C1orf21: variants seen among roughly 807,000 people sequenced by gnomAD.
C1orf21 encodes the protein chromosome 1 open reading frame 21, also known as uncharacterized protein C1orf21.
In C1orf21, 3 loss-of-function variants were observed where a neutral mutation model predicts 18.7. The observed-to-expected ratio is 0.16, with a 90% CI of 0.07 to 0.42. The LOEUF is 0.42. Among genes scored for constraint, C1orf21 ranks in the 10% least tolerant of loss-of-function variants. The probability of loss-of-function intolerance (pLI) is 0.99; values close to 1 mark genes in which losing one functional copy is unlikely to be tolerated. For missense variants in C1orf21, 104 were observed against 143.6 expected, an observed-to-expected ratio of 0.72 and a Z score of 1.41; for synonymous variants, 41 against 46.4, an observed-to-expected ratio of 0.88 and a Z score of 0.47.
At chr1:184,527,761 C>A in intron 3 of C1orf21, among the ~76,000 whole-genome samples, 1 of 152,210 alleles carries the variant, frequency 6.6e-6, no homozygotes, top group East Asian at 1.9e-4. Flanking sequence ...CTGAGCCCAA[C>A]TTTTCTGAGT....
intron 1 of C1orf21, among the ~76,000 whole-genome samples, chr1:184,439,354 CT>C (rs1268567783): frequency 6.6e-6 from 1 of 151,574 alleles, no homozygotes; most frequent in Admixed American, 6.6e-5. Flanking sequence ...AGGTTACTTA[CT>C]CTCTTGAGAC....
chr1:184,535,160 T>C (rs1443945294), intron 3 of C1orf21, among the ~76,000 whole-genome samples: 4 of 152,162 alleles, frequency 2.6e-5, no homozygotes, highest in Non-Finnish European at 4.4e-5. Flanking sequence ...CGATCTGTTG[T>C]AGGGAAGTGA....
At chr1:184,563,812 G>C (rs1428550301) in intron 3 of C1orf21, among the ~76,000 whole-genome samples, 1 of 152,216 alleles carries the variant, frequency 6.6e-6, no homozygotes, top group Non-Finnish European at 1.5e-5. Flanking sequence ...GTTGGGGGAA[G>C]TTCTTAAAGA....
intron 2 of C1orf21, among the ~76,000 whole-genome samples, chr1:184,507,242 A>G (rs1243645636): frequency 6.6e-6 from 1 of 152,166 alleles, no homozygotes; most frequent in African/African-American, 2.4e-5. Flanking sequence ...GAATCTTATC[A>G]GACAGTTCTG....
At chr1:184,450,108 G>A (rs1657100139) in intron 1 of C1orf21, among the ~76,000 whole-genome samples, 1 of 152,162 alleles carries the variant, frequency 6.6e-6, no homozygotes, top group Non-Finnish European at 1.5e-5. Flanking sequence ...CAGTGAGGTT[G>A]TAGGTGGATG....
At chr1:184,532,102 A>G (rs72735702) in intron 3 of C1orf21, among the ~76,000 whole-genome samples, 5,623 of 151,988 alleles carry the variant, frequency 0.037, 170 homozygotes, top group Non-Finnish European at 0.055. Flanking sequence ...TTCCCTAGAA[A>G]GCCAGAATTT....
intron 1 of C1orf21, among the ~76,000 whole-genome samples, chr1:184,425,562 C>T (rs1008093776): frequency 1.3e-5 from 2 of 152,100 alleles, no homozygotes; most frequent in Non-Finnish European, 2.9e-5. Context: ...ATGCCTGGCA[C>T]TGATCCTGGT....
intron 3 of C1orf21, among the ~76,000 whole-genome samples, chr1:184,572,130 A>T (rs941894769): frequency 1.1e-4 from 17 of 152,292 alleles, no homozygotes; most frequent in Admixed American, 1.0e-3. Flanking sequence ...AATGAGAGCT[A>T]TTATTTTTGT....
At chr1:184,584,645 A>C (rs1659328528) in intron 3 of C1orf21, among the ~76,000 whole-genome samples, 2 of 152,250 alleles carry the variant, frequency 1.3e-5, no homozygotes, top group South Asian at 2.1e-4. Context: ...TATTCATAAT[A>C]ACCACAAACT....
intron 3 of C1orf21, among the ~76,000 whole-genome samples, chr1:184,559,481 TCCTTCCTTCCTTCCTTCCTTCCCC>T (rs1553256416): frequency 7.8e-6 from 1 of 127,728 alleles, no homozygotes; most frequent in African/African-American, 4.1e-5. Flanking sequence ...TTTCCCTCCT[TCCTTCCTTCCTTCCTTCCTTCCCC>T]CCTTCCTTCC....
At chr1:184,433,511 A>G (rs1656805225) in intron 1 of C1orf21, among the ~76,000 whole-genome samples, 1 of 152,152 alleles carries the variant, frequency 6.6e-6, no homozygotes, top group African/African-American at 2.4e-5. Flanking sequence ...ATTTCTTAGT[A>G]CAATATGCAA....
intron 1 of C1orf21, among the ~76,000 whole-genome samples, chr1:184,455,430 C>G (rs1657183263): frequency 6.6e-6 from 1 of 152,048 alleles, no homozygotes; most frequent in Non-Finnish European, 1.5e-5. Context: ...TAAAAAGATC[C>G]TAGGTGTATC....
At chr1:184,402,362 C>T (rs565443746) in intron 1 of C1orf21, among the ~76,000 whole-genome samples, 3 of 130,760 alleles carry the variant, frequency 2.3e-5, no homozygotes, top group South Asian at 2.2e-4. Flanking sequence ...CATCACAAAC[C>T]GCTTATTAAA....
At chr1:184,421,260 A>G (rs1050911067) in intron 1 of C1orf21, among the ~76,000 whole-genome samples, 4 of 152,116 alleles carry the variant, frequency 2.6e-5, no homozygotes, top group African/African-American at 9.7e-5. Context: ...GCATGCCACC[A>G]TACCCAGCTA....
In C1orf21 at chr1:184,449,156, C is replaced by G. The variant is rs7540492; in HGVS notation, c.-124-28230C>G. Among the ~76,000 whole-genome samples the G allele has an allele frequency of 1.1e-4, 16 of 151,906 alleles. No individual in the cohort carries two copies. In the East Asian group the frequency reaches 2.9e-3, roughly 28 times the overall value. ...TGTTGGTGTGCTGCACCCATTAACTCGTCATTTACATTAGGTGTATCTCCT... is the reference window on the plus strand; with the variant it reads ...TGTTGGTGTGCTGCACCCATTAACTGGTCATTTACATTAGGTGTATCTCCT... On this transcript the variant is annotated intron_variant, in intron 1 of 5. Transcript: ENST00000235307.
In C1orf21 at chr1:184,404,616, G is replaced by A. The variant is rs572604016; in HGVS notation, c.-125+17248G>A. ...CTTTAAACTCTTGCCTCTTAATACA[G>A]TTACCATAGCAATTCAATTTCAACA... On this transcript the variant is annotated intron_variant, in intron 1 of 5. Coordinates refer to ENST00000235307, the MANE Select transcript of C1orf21 (RefSeq NM_030806.4). Among the ~76,000 whole-genome samples, 14 of 152,226 alleles carry A rather than the reference G, an allele frequency of 9.2e-5. No individual in the cohort carries two copies. The South Asian group carries it at 2.9e-3, about 32-fold the overall frequency.
intron 1 of C1orf21, among the ~76,000 whole-genome samples, chr1:184,405,874 G>A (rs1571343186): frequency 6.6e-6 from 1 of 152,292 alleles, no homozygotes; most frequent in African/African-American, 2.4e-5. Flanking sequence ...AATGAGGTCA[G>A]TGTAAGAGTG....
chr1:184,596,605 T>TA (rs1433202951), intron 4 of C1orf21, among the ~76,000 whole-genome samples: 8 of 152,128 alleles, frequency 5.3e-5, no homozygotes, highest in Non-Finnish European at 7.4e-5. Flanking sequence ...CGCAGTGGCT[T>TA]ACGCCTATAA....
chr1:184,522,652 A>T (rs557739037), intron 3 of C1orf21, among the ~76,000 whole-genome samples: 1 of 152,200 alleles, frequency 6.6e-6, no homozygotes, highest in African/African-American at 2.4e-5. Flanking sequence ...TACACTATTA[A>T]TCTAGTGGAG....
Sources: allele counts gnomAD v4.1 joint callset (sites outside exome capture counted in the v4.1 genomes callset), GRCh38; gene constraint gnomAD v4.1.1; transcripts MANE v1.5; gene names NCBI Gene and HGNC (gene_info 2026-07-23, HGNC 2026-07-21).